The following THOC1 variants were observed in gnomAD, a reference collection of about 807,000 sequenced individuals.
The protein encoded by THOC1 is THO complex subunit 1.
In THOC1, 29 loss-of-function variants were observed where a neutral mutation model predicts 97.3. The observed-to-expected ratio is 0.30, with a 90% CI of 0.22 to 0.41. THOC1 has a LOEUF of 0.41. Among genes scored for constraint, THOC1 ranks in the 10% least tolerant of loss-of-function variants. The pLI, the probability that THOC1 is intolerant of heterozygous loss-of-function variation, is 1.00. For missense variants in THOC1, 529 were observed against 761.9 expected (o/e 0.69, Z 3.60); for synonymous variants, 255 against 257.0 (o/e 0.99, Z 0.07).
At chr18:246,500 TTTG>T (rs1399704524) in intron 10 of THOC1, 45 bp from the exon 11 acceptor site, 1 of 1,529,784 alleles carries the variant, frequency 6.5e-7, no homozygotes, top group South Asian at 1.2e-5. Flanking sequence ...GTTACCCAAA[TTTG>T]TTTAGTGCTT....
chr18:230,709 T>C (rs1012460628), intron 11 of THOC1, among the ~76,000 whole-genome samples: 2 of 152,196 alleles, frequency 1.3e-5, no homozygotes, highest in African/African-American at 2.4e-5. Flanking sequence ...AATTATATCA[T>C]TTACACTATG....
At position 259,166 on chromosome 18, in the gene THOC1, G is replaced by T; in HGVS notation, c.520+14C>A. On this transcript the variant is annotated intron_variant, in intron 7 of 20. Transcript: ENST00000261600. ...TTTTCCTGCAGAAAACTCATTTAAT[G>T]CATAAAAGCTTACCTGATTTCTCAG... is the stretch of plus-strand genomic sequence containing the variant. 6.3e-7 allele frequency: 1 copy of T among 1,588,388 alleles called. No homozygotes were observed. The highest frequency in any genetic ancestry group is 8.6e-7 in the Non-Finnish European group (1 of 1,162,084).
chr18:214,666 A>G lies in THOC1; in HGVS notation c.1934T>C (p.Leu645Pro). 1 of 1,613,898 alleles carries G rather than the reference A, an allele frequency of 6.2e-7. No individual in the cohort carries two copies. Among genetic ancestry groups the G allele is most frequent in the Non-Finnish European group, 8.5e-7 (1 of 1,179,828 alleles). ...ATTGTCATTAGTTAGACTTTCTGCA[A>G]GGTCACTTAATCCAGACTTATTCAG... Reference protein sequence around the residue: ...NALNKSGLSDLAESLTNDNET... With the variant: ...NALNKSGLSDPAESLTNDNET... Residue 645 changes from leucine (L) to proline (P), a missense_variant, in exon 21 of 21, where the codon CTT (leucine) becomes CCT (proline). Transcript: ENST00000261600.
At chr18:230,382 G>A (rs573724669) in intron 11 of THOC1, among the ~76,000 whole-genome samples, 11 of 152,274 alleles carry the variant, frequency 7.2e-5, no homozygotes, top group Admixed American at 2.6e-4. Context: ...TTAAAGAGAC[G>A]AACCAAAGTG....
At chr18:267,383 C>G (rs1220997298) in intron 1 of THOC1, among the ~76,000 whole-genome samples, 1 of 152,122 alleles carries the variant, frequency 6.6e-6, no homozygotes, top group African/African-American at 2.4e-5. Flanking sequence ...CAAGTGTTTC[C>G]CAAATGCTCA....
At chr18:266,693 C>T (rs1301986474) in intron 1 of THOC1, among the ~76,000 whole-genome samples, 2 of 152,218 alleles carry the variant, frequency 1.3e-5, no homozygotes, top group East Asian at 1.9e-4. Context: ...CCCACCACCA[C>T]GCCTGGCTAA....
chr18:227,562 T>C (rs1911336823), intron 11 of THOC1, among the ~76,000 whole-genome samples: 1 of 152,008 alleles, frequency 6.6e-6, no homozygotes, highest in African/African-American at 2.4e-5. Context: ...ACTTGTATTA[T>C]CACAGAATCT....
At chr18:267,252 A>C (rs1912804556) in intron 1 of THOC1, among the ~76,000 whole-genome samples, 1 of 152,156 alleles carries the variant, frequency 6.6e-6, no homozygotes, top group African/African-American at 2.4e-5. Context: ...GTCTAAAGTC[A>C]GAAAAACCAC....
intron 11 of THOC1, among the ~76,000 whole-genome samples, chr18:237,726 C>T (rs1417077256): frequency 6.6e-6 from 1 of 152,084 alleles, no homozygotes; most frequent in Non-Finnish European, 1.5e-5. Flanking sequence ...GTCTAGAGGA[C>T]TAAACTGTAC....
intron 11 of THOC1, among the ~76,000 whole-genome samples, chr18:234,774 T>G (rs74257621): frequency 9.3e-5 from 2 of 21,568 alleles, no homozygotes; most frequent in African/African-American, 3.4e-4. Flanking sequence ...TTAAAAAAAT[T>G]ACTTAATTTG....
rs534527530 is a variant in THOC1 at position 241,040 on chromosome 18, T to C, written c.918+5284A>G. On this transcript the variant is annotated intron_variant, in intron 11 of 20. Coordinates refer to ENST00000261600, the MANE Select transcript of THOC1 (RefSeq NM_005131.3). ...AGGAGACGGAGCTCAGGTGGTAATA[T>C]GAGTGATGGAGAGCAGCTGTAAATA... is the stretch of plus-strand genomic sequence containing the variant. Among the ~76,000 whole-genome samples the C allele has an allele frequency of 8.5e-5, 13 of 152,266 alleles. No homozygotes were observed. The South Asian group carries it at 1.5e-3, about 17-fold the overall frequency.
At chr18:216,352 C>T in intron 19 of THOC1, 134 bp downstream of exon 19, 5 of 951,716 alleles carry the variant, frequency 5.3e-6, no homozygotes, top group African/African-American at 1.6e-5. Context: ...GTGTTTTTCC[C>T]TCATTCTAAA....
intron 4 of THOC1, 184 bp downstream of exon 4, chr18:263,842 T>A (rs1912681429): frequency 1.8e-6 from 1 of 560,012 alleles, no homozygotes; most frequent in Non-Finnish European, 3.2e-6. Context: ...GTGCACTGCA[T>A]AATAGAGATG....
chr18:236,411 A>C (rs1279364004), intron 11 of THOC1, among the ~76,000 whole-genome samples: 1 of 132,724 alleles, frequency 7.5e-6, no homozygotes, highest in Non-Finnish European at 1.5e-5. Context: ...GCGGGAGTGC[A>C]GTGGCGCGAT....
chr18:239,778 T>C (rs1048762758), intron 11 of THOC1, among the ~76,000 whole-genome samples: 2 of 152,190 alleles, frequency 1.3e-5, no homozygotes, highest in East Asian at 1.9e-4. Context: ...TATTAAAACA[T>C]GCATATCAAA....
chr18:250,758 G>A (rs577199156), intron 9 of THOC1, among the ~76,000 whole-genome samples: 17 of 152,296 alleles, frequency 1.1e-4, no homozygotes, highest in African/African-American at 3.6e-4. Flanking sequence ...TGTGACAGAG[G>A]CAGCTGAGTG....
At chr18:215,576 A>G in intron 19 of THOC1, 72 bp from the exon 20 acceptor site, 2 of 1,268,402 alleles carry the variant, frequency 1.6e-6, no homozygotes, top group South Asian at 1.2e-5. Context: ...TTTTGTTTGG[A>G]TAAGGACGGT....
intron 11 of THOC1, among the ~76,000 whole-genome samples, chr18:236,511 C>T (rs569528696): frequency 3.6e-5 from 5 of 140,692 alleles, no homozygotes; most frequent in Admixed American, 1.5e-4. Context: ...CGCCCGCTAC[C>T]ACGCCCGGCT....
At chr18:234,996 T>C (rs765726184) in intron 11 of THOC1, among the ~76,000 whole-genome samples, 4 of 152,088 alleles carry the variant, frequency 2.6e-5, no homozygotes, top group Non-Finnish European at 4.4e-5. Flanking sequence ...TGATAAGATA[T>C]GCCTTAAAAA....
Sources: allele counts gnomAD v4.1 joint callset (sites outside exome capture counted in the v4.1 genomes callset), GRCh38; gene constraint gnomAD v4.1.1; transcripts MANE v1.5; gene names NCBI Gene and HGNC (gene_info 2026-07-23, HGNC 2026-07-21).